ERBB4: variants seen among roughly 807,000 people sequenced by gnomAD.
ERBB4 encodes the protein receptor tyrosine-protein kinase erbB-4.
Under a neutral mutation model 158.0 loss-of-function variants are expected in ERBB4, and 42 were observed. That is an observed-to-expected ratio of 0.27 (90% CI 0.21 to 0.34). The LOEUF is 0.34. Ranked by LOEUF, ERBB4 falls within the 10% of genes least tolerant of loss-of-function variation. ERBB4 has a pLI of 1.00. For missense variants in ERBB4, 1,333 were observed against 1,624.1 expected, an observed-to-expected ratio of 0.82 and a Z score of 3.08; for synonymous variants, 583 against 558.7, an observed-to-expected ratio of 1.04 and a Z score of -0.61.
chr2:212,194,483 C>G (rs1339651696), intron 1 of ERBB4, among the ~76,000 whole-genome samples: 3 of 152,016 alleles, frequency 2.0e-5, no homozygotes, highest in Non-Finnish European at 4.4e-5. Flanking sequence ...TTACCTGTTA[C>G]TATTTCCCTT....
At chr2:211,505,105 C>A (rs577496122) in intron 20 of ERBB4, among the ~76,000 whole-genome samples, 2 of 151,870 alleles carry the variant, frequency 1.3e-5, no homozygotes, top group African/African-American at 4.8e-5. Context: ...CACAGAACAC[C>A]TGGAAGATAC....
At chr2:212,072,428 C>G (rs1421072403) in intron 2 of ERBB4, among the ~76,000 whole-genome samples, 2 of 151,924 alleles carry the variant, frequency 1.3e-5, no homozygotes, top group Non-Finnish European at 2.9e-5. Flanking sequence ...AATTTAATCT[C>G]TCTGCATCCA....
intron 1 of ERBB4, among the ~76,000 whole-genome samples, chr2:212,186,573 T>C (rs73987280): frequency 2.0e-5 from 3 of 152,130 alleles, no homozygotes; most frequent in African/African-American, 7.2e-5. Flanking sequence ...TTACTCAACC[T>C]ACCCACCCTG....
intron 21 of ERBB4, among the ~76,000 whole-genome samples, chr2:211,429,124 ATAT>A (rs1302219334): frequency 2.0e-5 from 3 of 152,134 alleles, no homozygotes; most frequent in East Asian, 1.9e-4. Context: ...TTGCTAGTAA[ATAT>A]TATGATTTAT....
rs143501703 is a variant in ERBB4, at chr2:211,526,656, A to C, written c.2487+35247T>G. 1.2e-3 allele frequency among the ~76,000 whole-genome samples: 187 copies of C among 152,292 alleles called. 1 individual carries two copies. The highest frequency in any genetic ancestry group is 4.2e-3 in the African/African-American group (173 of 41,596). The stretch of plus-strand genomic sequence containing the variant: ...ATCTGATATTTCAGAGAGAGAATTC[A>C]AAATAGCTGTTTTGAGGAAACTCAA... On this transcript the variant is annotated intron_variant, in intron 20 of 27. Transcript: ENST00000342788.
chr2:211,631,283 G>C (rs939373229), intron 16 of ERBB4, among the ~76,000 whole-genome samples: 8 of 151,942 alleles, frequency 5.3e-5, no homozygotes, highest in African/African-American at 1.9e-4. Flanking sequence ...GGAGTATAAG[G>C]GTACCAATAA....
At chr2:212,413,828 A>C (rs1330810598) in intron 1 of ERBB4, among the ~76,000 whole-genome samples, 1 of 152,190 alleles carries the variant, frequency 6.6e-6, no homozygotes, top group Non-Finnish European at 1.5e-5. Context: ...ATTATCTTCC[A>C]CTGATGATAT....
chr2:211,767,360 A>G (rs1439171001), intron 4 of ERBB4, among the ~76,000 whole-genome samples: 1 of 152,138 alleles, frequency 6.6e-6, no homozygotes, highest in Non-Finnish European at 1.5e-5. Context: ...CAAATATACA[A>G]TCAGGGTTTT....
At chr2:211,783,558 T>C (rs905977201) in intron 4 of ERBB4, among the ~76,000 whole-genome samples, 2 of 152,242 alleles carry the variant, frequency 1.3e-5, no homozygotes, top group Admixed American at 6.5e-5. Flanking sequence ...ACCTAATTTA[T>C]TGAGAGTTTT....
chr2:212,383,690 A>C (rs73060366), intron 1 of ERBB4, among the ~76,000 whole-genome samples: 3,648 of 151,792 alleles, frequency 0.024, 140 homozygotes, highest in African/African-American at 0.082. Context: ...TGATGAGAAC[A>C]AAACTGAAGA....
intron 2 of ERBB4, among the ~76,000 whole-genome samples, chr2:211,971,565 C>T (rs929786066): frequency 1.3e-5 from 2 of 152,118 alleles, no homozygotes; most frequent in Non-Finnish European, 2.9e-5. Flanking sequence ...AGACCAGTAT[C>T]ATCCTGATAC....
rs556325234 is a variant in ERBB4, at chr2:212,199,789, T to A, written c.83-74886A>T. ...ATCCAGCTCATATTTAAAAAAAAAA[T>A]AAAAACGATTCTCTTGTCTGAAGGA... On this transcript the variant is annotated intron_variant, in intron 1 of 27. Transcript: ENST00000342788. Among the ~76,000 whole-genome samples, 121 of 151,088 alleles carry A rather than the reference T, an allele frequency of 8.0e-4. 2 individuals are homozygous for A. The East Asian group carries it at 0.02, about 25-fold the overall frequency.
chr2:211,656,986 T>TA (rs1217636734), intron 16 of ERBB4, among the ~76,000 whole-genome samples: 1 of 152,216 alleles, frequency 6.6e-6, no homozygotes, highest in African/African-American at 2.4e-5. Context: ...GTTATACTTT[T>TA]ACCTGCACAA....
intron 16 of ERBB4, among the ~76,000 whole-genome samples, chr2:211,655,812 G>A (rs1035003939): frequency 1.3e-5 from 2 of 152,126 alleles, no homozygotes; most frequent in Admixed American, 6.6e-5. Flanking sequence ...TACCTTGCTC[G>A]AAATAACTAG....
chr2:212,235,148 T>G (rs1414875327), intron 1 of ERBB4, among the ~76,000 whole-genome samples: 1 of 152,196 alleles, frequency 6.6e-6, no homozygotes, highest in Non-Finnish European at 1.5e-5. Flanking sequence ...GACTTAATTT[T>G]TGTATAAGGT....
intron 7 of ERBB4, among the ~76,000 whole-genome samples, chr2:211,716,637 C>T (rs192407414): frequency 1.2e-3 from 176 of 152,072 alleles, no homozygotes; most frequent in African/African-American, 4.0e-3. Context: ...GATTGCGCCA[C>T]TGCATTCCGG....
intron 25 of ERBB4, among the ~76,000 whole-genome samples, chr2:211,417,806 T>A (rs1225635127): frequency 6.6e-6 from 1 of 152,174 alleles, no homozygotes; most frequent in Non-Finnish European, 1.5e-5. Flanking sequence ...TAAGAAAGTG[T>A]GATTATTTAT....
At chr2:211,755,895 C>A (rs1334261282) in intron 4 of ERBB4, among the ~76,000 whole-genome samples, 1 of 152,212 alleles carries the variant, frequency 6.6e-6, no homozygotes, top group African/African-American at 2.4e-5. Flanking sequence ...ATCATATCCT[C>A]AAACTGCCTC....
chr2:212,343,520 A>C (rs1205813921), intron 1 of ERBB4, among the ~76,000 whole-genome samples: 1 of 152,132 alleles, frequency 6.6e-6, no homozygotes, highest in Admixed American at 6.5e-5. Flanking sequence ...ATAGAACATA[A>C]ATTTATAACG....
Sources: gnomAD v4.1 joint callset for allele counts (sites outside exome capture counted in the v4.1 genomes callset) on GRCh38, gnomAD v4.1.1 for gene constraint, MANE v1.5 for transcripts, NCBI Gene and HGNC (gene_info 2026-07-23, HGNC 2026-07-21) for gene names.